BCAR3: variants seen among roughly 807,000 people sequenced by gnomAD.
The protein encoded by BCAR3 is BCAR3 adaptor protein, NSP family member.
In BCAR3, 37 loss-of-function variants were observed where a neutral mutation model predicts 80.1. That is an observed-to-expected ratio of 0.46 (90% CI 0.36 to 0.61). The LOEUF is 0.61. BCAR3 is among the 20% of genes least tolerant of loss of function. The pLI is 0.00. For missense variants in BCAR3, 978 were observed against 1,068.2 expected (o/e 0.92, Z 1.18); for synonymous variants, 389 against 418.9 (o/e 0.93, Z 0.87).
chr1:93,605,621 C>T (rs1248204482), intron 3 of BCAR3: 2 of 152,218 alleles, frequency 1.3e-5, no homozygotes, highest in East Asian at 1.9e-4. Context: ...AAATCCTCAC[C>T]ACTGGTAATT....
At chr1:93,647,087 T>TG (rs1676167971) in intron 2 of BCAR3, among the ~76,000 whole-genome samples, 1 of 152,250 alleles carries the variant, frequency 6.6e-6, no homozygotes, top group South Asian at 2.1e-4. Flanking sequence ...AAAATATCTT[T>TG]GTCTAACTCA....
chr1:93,756,741 A>G (rs1651762188), intron 2 of BCAR3, among the ~76,000 whole-genome samples: 1 of 152,200 alleles, frequency 6.6e-6, no homozygotes. Context: ...TCCATGCTCC[A>G]TAAGGAACAC....
intron 2 of BCAR3, among the ~76,000 whole-genome samples, chr1:93,655,197 T>A (rs1647313403): frequency 6.6e-6 from 1 of 152,178 alleles, no homozygotes; most frequent in Non-Finnish European, 1.5e-5. Flanking sequence ...GACTTTATCA[T>A]GATAGCAATG....
intron 2 of BCAR3, among the ~76,000 whole-genome samples, chr1:93,649,959 A>C (rs1396138397): frequency 2.6e-5 from 4 of 151,910 alleles, no homozygotes; most frequent in African/African-American, 9.7e-5. Flanking sequence ...AGTGGACAGA[A>C]GTGTTCCATC....
rs530335351 is a variant in BCAR3 at position 93,772,756 on chromosome 1, C to T, written c.-62-66614G>A. ...GAGTAGCTGGAACTACAGGAATGCG[C>T]CACCACGCCCAGCTAATTTTTGTAT... On this transcript the variant is annotated intron_variant, in intron 2 of 13. Transcript: ENST00000370244. Among the ~76,000 whole-genome samples, 58 of 152,216 alleles carry T rather than the reference C, an allele frequency of 3.8e-4. 1 individual carries two copies. The South Asian group carries it at 4.4e-3, about 11-fold the overall frequency.
At chr1:93,803,550 G>A (rs901091810) in intron 2 of BCAR3, among the ~76,000 whole-genome samples, 4 of 152,144 alleles carry the variant, frequency 2.6e-5, no homozygotes, top group Non-Finnish European at 5.9e-5. Flanking sequence ...TGTATACCCA[G>A]TGGCTCCTCC....
At chr1:93,829,569 A>G (rs1342624954) in intron 2 of BCAR3, among the ~76,000 whole-genome samples, 3 of 151,878 alleles carry the variant, frequency 2.0e-5, no homozygotes, top group Non-Finnish European at 1.5e-5. Context: ...CTAGCTGCCT[A>G]AAAATTATTT....
intron 3 of BCAR3, among the ~76,000 whole-genome samples, chr1:93,635,450 TAA>T (rs35813956): frequency 0.012 from 1,801 of 152,276 alleles, 32 homozygotes; most frequent in African/African-American, 0.04. Flanking sequence ...ACCTGAAGGA[TAA>T]GATTCCACTG....
intron 2 of BCAR3, among the ~76,000 whole-genome samples, chr1:93,713,795 C>T (rs1650105608): frequency 6.6e-6 from 1 of 152,090 alleles, no homozygotes. Context: ...GTGAATTTGA[C>T]TGTAGTGAGC....
chr1:93,799,925 T>C (rs1158174932), intron 2 of BCAR3, among the ~76,000 whole-genome samples: 1 of 152,238 alleles, frequency 6.6e-6, no homozygotes, highest in East Asian at 1.9e-4. Context: ...ATTCACTGCC[T>C]ACTGGTATGT....
intron 3 of BCAR3, among the ~76,000 whole-genome samples, chr1:93,608,250 C>T (rs961466141): frequency 6.6e-6 from 1 of 152,198 alleles, no homozygotes; most frequent in African/African-American, 2.4e-5. Context: ...TAGCTCCTGG[C>T]ACTGTGGACA....
At chr1:93,572,699 T>G (rs1373408902) in intron 8 of BCAR3, among the ~76,000 whole-genome samples, 2 of 152,226 alleles carry the variant, frequency 1.3e-5, no homozygotes, top group African/African-American at 4.8e-5. Flanking sequence ...TGCCTCAGTT[T>G]CTTCCAGGCT....
intron 2 of BCAR3, among the ~76,000 whole-genome samples, chr1:93,726,512 T>A (rs138722445): frequency 2.0e-5 from 3 of 152,248 alleles, no homozygotes; most frequent in Non-Finnish European, 4.4e-5. Context: ...GGAAAGCTGA[T>A]GTAATTGTGA....
chr1:93,579,981 G>A (rs562274454), intron 7 of BCAR3, among the ~76,000 whole-genome samples: 4 of 152,218 alleles, frequency 2.6e-5, no homozygotes, highest in Non-Finnish European at 5.9e-5. Flanking sequence ...AGCACTGCCC[G>A]AGGCCATCTG....
At chr1:93,645,661 T>C (rs1676131840) in intron 2 of BCAR3, among the ~76,000 whole-genome samples, 1 of 151,690 alleles carries the variant, frequency 6.6e-6, no homozygotes, top group Non-Finnish European at 1.5e-5. Flanking sequence ...TGTGTGTATA[T>C]ATATGTATCC....
chr1:93,799,065 CATAT>C (rs536937405), intron 2 of BCAR3, among the ~76,000 whole-genome samples: 30 of 152,170 alleles, frequency 2.0e-4, no homozygotes, highest in Non-Finnish European at 4.3e-4. Flanking sequence ...GAATGAAGTA[CATAT>C]ATAGTCAAGG....
upstream of BCAR3, among the ~76,000 whole-genome samples, chr1:93,686,683 G>A (rs1281688189): frequency 6.6e-6 from 1 of 152,172 alleles, no homozygotes; most frequent in South Asian, 2.1e-4. Context: ...AATTATCAAA[G>A]GTCTTCAGTC....
At chr1:93,605,039 G>A (rs144714236) in intron 3 of BCAR3, among the ~76,000 whole-genome samples, 29 of 152,274 alleles carry the variant, frequency 1.9e-4, no homozygotes, top group African/African-American at 6.3e-4. Flanking sequence ...ACCGAAACAC[G>A]ATGAGATTTC....
intron 2 of BCAR3, among the ~76,000 whole-genome samples, chr1:93,724,382 A>G (rs1415587323): frequency 5.9e-5 from 9 of 152,184 alleles, no homozygotes; most frequent in African/African-American, 2.2e-4. Context: ...GGGCAGCCCT[A>G]TCTTTGGGCC....
Sources: allele counts gnomAD v4.1 joint callset (sites outside exome capture counted in the v4.1 genomes callset), GRCh38; gene constraint gnomAD v4.1.1; transcripts MANE v1.5; gene names NCBI Gene and HGNC (gene_info 2026-07-23, HGNC 2026-07-21).